The following MAP7 variants were observed in gnomAD, a reference collection of about 807,000 sequenced individuals.
MAP7 encodes microtubule associated protein 7, also known as ensconsin.
In MAP7, 52 loss-of-function variants were observed where a neutral mutation model predicts 94.8. The ratio of observed to expected loss-of-function variants is 0.55; its 90% CI spans 0.44 to 0.69. The LOEUF (loss-of-function observed/expected upper bound fraction) is 0.69, where lower values mean the gene tolerates loss of function less well. MAP7 is among the 30% of genes least tolerant of loss of function. The pLI, the probability that MAP7 is intolerant of heterozygous loss-of-function variation, is 0.00. For synonymous variants in MAP7, 350 were observed against 357.0 expected (o/e 0.98, Z 0.22); for missense variants, 940 against 964.6 (o/e 0.97, Z 0.34).
intron 16 of MAP7, among the ~76,000 whole-genome samples, chr6:136,351,251 A>C (rs1306118662): frequency 2.0e-5 from 3 of 151,952 alleles, no homozygotes; most frequent in Non-Finnish European, 2.9e-5. Flanking sequence ...AAAAAAAAAA[A>C]AACGAAAAAA....
At chr6:136,431,595 G>A (rs914537429) in intron 1 of MAP7, among the ~76,000 whole-genome samples, 7 of 152,096 alleles carry the variant, frequency 4.6e-5, no homozygotes, top group African/African-American at 1.7e-4. Flanking sequence ...TTGATTCACT[G>A]TAACCTCTGC....
chr6:136,535,635 A>T (rs555521881), intron 1 of MAP7, among the ~76,000 whole-genome samples: 1 of 152,186 alleles, frequency 6.6e-6, no homozygotes, highest in Admixed American at 6.6e-5. Context: ...AACCAACCAG[A>T]ACACTAAAAG....
At position 136,343,373 on chromosome 6, in the gene MAP7, A is replaced by AT. The variant is rs1219338935; in HGVS notation, c.*854dup. On this transcript the variant is annotated 3_prime_UTR_variant, in exon 18 of 18. Coordinates refer to ENST00000354570, the MANE Select transcript of MAP7 (RefSeq NM_003980.6). ...TAATTTGTGATCAGGTAAGGCAAAGATAAGTCCACCATCACTGGGGACAGC... is the reference window on the plus strand; with the variant it reads ...TAATTTGTGATCAGGTAAGGCAAAGATTAAGTCCACCATCACTGGGGACAGC... 9 of 152,678 alleles carry AT rather than the reference A, an allele frequency of 5.9e-5. No individual in the cohort carries two copies. Among genetic ancestry groups the AT allele is most frequent in the African/African-American group, 2.2e-4 (9 of 41,468 alleles). 9.5% of individuals were successfully genotyped at this position (152,678 alleles called of 1,614,324 possible). A position where few individuals can be genotyped will look rare whatever the true frequency, so the allele number is the denominator to read the frequency against.
intron 1 of MAP7, among the ~76,000 whole-genome samples, chr6:136,464,903 A>C (rs1301700978): frequency 6.6e-6 from 1 of 152,226 alleles, no homozygotes; most frequent in African/African-American, 2.4e-5. Flanking sequence ...GACAATAAGC[A>C]TTAAAGCATC....
Position 136,381,877 on chromosome 6 carries a change from T to TACACACACACAC in MAP7, c.637+1782_637+1793dup, listed in dbSNP as rs1156527948. ...CTCTACTCCTTACCACTTCTAACCT[T>TACACACACACAC]ACACACACACACACACACACACACA... On this transcript the variant is annotated intron_variant, in intron 6 of 17. Transcript: ENST00000354570. Among the ~76,000 whole-genome samples the TACACACACACAC allele has an allele frequency of 2.8e-3, 264 of 93,000 alleles. 4 individuals are homozygous for TACACACACACAC. The highest frequency in any genetic ancestry group is 8.3e-3 in the African/African-American group (175 of 21,060). The allele number at this position is 93,000 out of a possible 152,430, so 61.0% of individuals were successfully genotyped here.
intron 3 of MAP7, among the ~76,000 whole-genome samples, chr6:136,402,242 T>C (rs925083644): frequency 1.3e-5 from 2 of 152,266 alleles, no homozygotes; most frequent in African/African-American, 4.8e-5. Flanking sequence ...ACTCTGCTTT[T>C]ATGTGTTTGT....
intron 1 of MAP7, among the ~76,000 whole-genome samples, chr6:136,459,570 C>T (rs1468389987): frequency 6.6e-6 from 1 of 152,046 alleles, no homozygotes; most frequent in Non-Finnish European, 1.5e-5. Context: ...TATTATTCAG[C>T]CTTTTTCTAA....
chr6:136,451,022 T>A (rs141459157), intron 1 of MAP7, among the ~76,000 whole-genome samples: 2 of 152,314 alleles, frequency 1.3e-5, no homozygotes, highest in African/African-American at 4.8e-5. Context: ...GTTACCCTTT[T>A]GTAAGAGAAA....
chr6:136,457,425 T>C lies in MAP7; in HGVS notation c.68-35626A>G, dbSNP rs1048530439. 2.0e-5 allele frequency among the ~76,000 whole-genome samples: 3 copies of C among 152,086 alleles called. No individual in the cohort carries two copies. The South Asian group carries it at 6.2e-4, about 31-fold the overall frequency. ...ATTAATGCCAATCCTTCTCAAACTC[T>C]TCCATGAAATTGAAGAAGAGGGAAC... On this transcript the variant is annotated intron_variant, in intron 1 of 17. Transcript: ENST00000354570.
At chr6:136,393,260 C>G (rs920898475) in intron 3 of MAP7, among the ~76,000 whole-genome samples, 8 of 152,104 alleles carry the variant, frequency 5.3e-5, no homozygotes, top group African/African-American at 1.9e-4. Context: ...CAGATCTTTG[C>G]CTTTGTTATT....
intron 16 of MAP7, among the ~76,000 whole-genome samples, chr6:136,352,036 T>C (rs1185774211): frequency 3.3e-4 from 50 of 152,076 alleles, no homozygotes; most frequent in African/African-American, 2.4e-5. Flanking sequence ...TGGCAAGTTC[T>C]GCTGGCAAGA....
chr6:136,500,005 C>T (rs1819395585), intron 1 of MAP7, among the ~76,000 whole-genome samples: 1 of 151,638 alleles, frequency 6.6e-6, no homozygotes, highest in Non-Finnish European at 1.5e-5. Flanking sequence ...CAAAAACAAA[C>T]AAACAAACAA....
At chr6:136,370,692 T>C (rs1774195265) in intron 8 of MAP7, among the ~76,000 whole-genome samples, 1 of 152,118 alleles carries the variant, frequency 6.6e-6, no homozygotes, top group Non-Finnish European at 1.5e-5. Flanking sequence ...CACTTTTATG[T>C]GGTCTATAAA....
chr6:136,384,363 C>A (rs957075089), intron 5 of MAP7, among the ~76,000 whole-genome samples: 1 of 151,938 alleles, frequency 6.6e-6, no homozygotes, highest in East Asian at 1.9e-4. Context: ...TTTTAAGAAA[C>A]GTTCCTTTAT....
chr6:136,442,296 C>T (rs575881355), intron 1 of MAP7, among the ~76,000 whole-genome samples: 3 of 148,312 alleles, frequency 2.0e-5, no homozygotes, highest in Admixed American at 6.8e-5. Context: ...CCCCAGCTAC[C>T]GGGGAGGCTG....
chr6:136,379,912 T>A (rs1173238985), intron 6 of MAP7, among the ~76,000 whole-genome samples: 1 of 152,238 alleles, frequency 6.6e-6, no homozygotes, highest in African/African-American at 2.4e-5. Context: ...ACCACATTCA[T>A]AACTATGCCT....
chr6:136,365,397 AG>A, intron 10 of MAP7, among the ~76,000 whole-genome samples: 1 of 152,314 alleles, frequency 6.6e-6, no homozygotes, highest in South Asian at 2.1e-4. Context: ...ATTTCTAAGT[AG>A]CATCTGGTTA....
chr6:136,420,198 C>A (rs935574397), intron 2 of MAP7: 61 of 1,018,194 alleles, frequency 6.0e-5, no homozygotes, highest in Non-Finnish European at 8.9e-5. Flanking sequence ...ATGACTGGAT[C>A]TTGTGTTCAG....
At chr6:136,409,541 T>G (rs1444231033) in intron 3 of MAP7, among the ~76,000 whole-genome samples, 1 of 152,254 alleles carries the variant, frequency 6.6e-6, no homozygotes, top group East Asian at 1.9e-4. Flanking sequence ...GTTGGGTCTC[T>G]CAGCAAATGT....
Sources: allele counts gnomAD v4.1 joint callset (sites outside exome capture counted in the v4.1 genomes callset), GRCh38; gene constraint gnomAD v4.1.1; transcripts MANE v1.5; gene names NCBI Gene and HGNC (gene_info 2026-07-23, HGNC 2026-07-21).